The following PEAK1 variants were observed in gnomAD, a reference collection of about 807,000 sequenced individuals.
PEAK1 encodes the protein inactive tyrosine-protein kinase PEAK1.
Under a neutral mutation model 124.7 loss-of-function variants are expected in PEAK1, and 54 were observed. That is an observed-to-expected ratio of 0.43 (90% confidence interval 0.35 to 0.54). The LOEUF is 0.54. Among genes scored for constraint, PEAK1 ranks in the 20% least tolerant of loss-of-function variants. PEAK1 has a pLI of 0.01. For missense variants in PEAK1, 2,046 were observed against 2,134.5 expected, an observed-to-expected ratio of 0.96 and a Z score of 0.82; for synonymous variants, 719 against 760.0, an observed-to-expected ratio of 0.95 and a Z score of 0.89.
intron 2 of PEAK1, among the ~76,000 whole-genome samples, chr15:77,319,900 G>A (rs574524119): frequency 3.3e-5 from 5 of 152,236 alleles, no homozygotes; most frequent in African/African-American, 7.2e-5. Context: ...TGCAAAGTGG[G>A]AAGCTGCTCC....
intron 7 of PEAK1, among the ~76,000 whole-genome samples, chr15:77,166,297 C>G (rs2056094405): frequency 6.6e-6 from 1 of 152,154 alleles, no homozygotes; most frequent in Non-Finnish European, 1.5e-5. Context: ...AACAATAACA[C>G]TGAGTAAGGC....
intron 6 of PEAK1, among the ~76,000 whole-genome samples, chr15:77,250,621 G>C (rs1376335974): frequency 6.6e-6 from 1 of 151,976 alleles, no homozygotes; most frequent in Admixed American, 6.6e-5. Context: ...TTTTAGCAGA[G>C]ATAGGGTTTC....
At chr15:77,291,368 G>A (rs542357259) in intron 2 of PEAK1, among the ~76,000 whole-genome samples, 4 of 151,758 alleles carry the variant, frequency 2.6e-5, no homozygotes, top group Admixed American at 6.6e-5. Context: ...ACTAGTCTTC[G>A]ATTATGAAAT....
intron 6 of PEAK1, among the ~76,000 whole-genome samples, chr15:77,227,501 G>T (rs1429153676): frequency 6.6e-6 from 1 of 152,012 alleles, no homozygotes; most frequent in Non-Finnish European, 1.5e-5. Context: ...AGACCAAGAA[G>T]AATAAAACCA....
At position 77,181,281 on chromosome 15, in the gene PEAK1, C is replaced by G; in HGVS notation, c.646G>C (p.Glu216Gln). 6.2e-7 allele frequency: 1 copy of G among 1,614,098 alleles called. No homozygotes were observed. Among genetic ancestry groups the G allele is most frequent in the Non-Finnish European group, 8.5e-7 (1 of 1,180,024 alleles). The change falls in exon 7 of 10, where the codon GAA becomes CAA. Residue 216 changes from glutamate (E) to glutamine (Q), a missense_variant. Coordinates refer to ENST00000682557, the MANE Select transcript of PEAK1 (RefSeq NM_001385026.1). ...CGGCCCCCTTCATTACTAATCACTT[C>G]TGTGCTCCCACTCAGAATAACATGC... ...GKHVILSGST[E>Q]VISNEGGRFC...
chr15:77,272,487 A>G (rs1246876103), intron 5 of PEAK1, among the ~76,000 whole-genome samples: 1 of 152,186 alleles, frequency 6.6e-6, no homozygotes, highest in African/African-American at 2.4e-5. Flanking sequence ...GAACACCTCT[A>G]TGCGCATGAA....
chr15:77,326,781 A>C (rs2065602749), intron 2 of PEAK1, among the ~76,000 whole-genome samples: 1 of 152,112 alleles, frequency 6.6e-6, no homozygotes, highest in South Asian at 2.1e-4. Flanking sequence ...TCTATTTAGG[A>C]AACAGCTTGA....
intron 2 of PEAK1, chr15:77,335,283 A>G (rs2141275143): frequency 2.0e-6 from 2 of 985,450 alleles, no homozygotes; most frequent in African/African-American, 3.5e-5. Context: ...GCTGCCTAAC[A>G]AAGATTATTC....
At chr15:77,229,632 GTTTCTTTCT>G (rs770145021) in intron 6 of PEAK1, among the ~76,000 whole-genome samples, 25 of 149,168 alleles carry the variant, frequency 1.7e-4, no homozygotes, top group Admixed American at 6.0e-4. Flanking sequence ...TTCTTTAGCT[GTTTCTTTCT>G]TTTCTTTCTT....
In PEAK1 at chr15:77,113,072, G is replaced by A. The variant is rs761417748; in HGVS notation, c.*1084C>T. Reference sequence around the variant, plus strand: ...GGCCTTCTTCCTCTCCCCTGCCTACGGCCATCCCAACAGCCCACCTCACTG... The same window carrying A: ...GGCCTTCTTCCTCTCCCCTGCCTACAGCCATCCCAACAGCCCACCTCACTG... On this transcript the variant is annotated 3_prime_UTR_variant, in exon 10 of 10. Transcript: ENST00000682557. 4 of 152,286 alleles carry A rather than the reference G, an allele frequency of 2.6e-5. No homozygotes were observed. Among genetic ancestry groups the A allele is most frequent in the East Asian group, 1.9e-4 (1 of 5,200 alleles). 9.4% of individuals were successfully genotyped at this position (152,286 alleles called of 1,614,324 possible).
intron 6 of PEAK1, among the ~76,000 whole-genome samples, chr15:77,207,949 C>T (rs1033881772): frequency 6.6e-6 from 1 of 152,154 alleles, no homozygotes; most frequent in Non-Finnish European, 1.5e-5. Flanking sequence ...CAGGCTCATA[C>T]AGGTCTAGGA....
At chr15:77,307,270 G>A (rs2064156379) in intron 2 of PEAK1, among the ~76,000 whole-genome samples, 1 of 151,892 alleles carries the variant, frequency 6.6e-6, no homozygotes, top group Non-Finnish European at 1.5e-5. Flanking sequence ...TGTGTAAAAT[G>A]AGGGGACTGG....
Position 77,250,108 on chromosome 15 carries a change from C to T in PEAK1, c.-115+2259G>A, listed in dbSNP as rs547840815. Among the ~76,000 whole-genome samples, 8 of 142,018 alleles carry T rather than the reference C, an allele frequency of 5.6e-5. No homozygotes were observed. The East Asian group carries it at 1.6e-3, about 29-fold the overall frequency. The allele number at this position is 142,018 out of a possible 152,430, so 93.2% of individuals were successfully genotyped here. A position where few individuals can be genotyped will look rare whatever the true frequency, so the allele number is the denominator to read the frequency against. On this transcript the variant is annotated intron_variant, in intron 6 of 9. Coordinates refer to ENST00000682557, the MANE Select transcript of PEAK1 (RefSeq NM_001385026.1). The stretch of plus-strand genomic sequence containing the variant: ...ATGCCACAAGTAGAGGTTTAACCCA[C>T]AATTAGAGATTTTTTTTTAAAGAAA...
intron 7 of PEAK1, among the ~76,000 whole-genome samples, chr15:77,165,784 C>T (rs2056051108): frequency 6.6e-6 from 1 of 152,172 alleles, no homozygotes; most frequent in African/African-American, 2.4e-5. Flanking sequence ...GAAAACTCTT[C>T]AGGAGGTAGC....
intron 6 of PEAK1, among the ~76,000 whole-genome samples, chr15:77,188,803 T>G (rs527638820): frequency 5.9e-5 from 9 of 152,168 alleles, no homozygotes; most frequent in African/African-American, 2.2e-4. Context: ...CTATATCTCT[T>G]GAATTGTTTG....
rs143750264 is a variant in PEAK1 at position 77,347,262 on chromosome 15, T to C, written c.-603+17901A>G. 1,020 of 984,912 alleles carry C rather than the reference T, an allele frequency of 1.0e-3. 8 individuals carry two copies. In the African/African-American group the frequency reaches 0.017, roughly 16 times the overall value. The allele number at this position is 984,912 out of a possible 1,614,324, so 61.0% of individuals were successfully genotyped here. On this transcript the variant is annotated intron_variant, in intron 2 of 9. Coordinates refer to ENST00000682557, the MANE Select transcript of PEAK1 (RefSeq NM_001385026.1). Reference sequence around the variant, plus strand: ...TGCTGAGAAGATAAAAATAAAACTATGACCCACGAACTATTCATGGAAATT... The same window carrying C: ...TGCTGAGAAGATAAAAATAAAACTACGACCCACGAACTATTCATGGAAATT...
In PEAK1 at chr15:77,181,436, T is replaced by G. The variant is rs761514305; in HGVS notation, c.491A>C (p.Gln164Pro). The G allele has an allele frequency of 6.2e-7, 1 of 1,614,172 alleles. No homozygotes were observed. The highest frequency in any genetic ancestry group is 1.3e-5 in the African/African-American group (1 of 75,044). Residue 164 changes from glutamine to proline, a missense_variant, in exon 7 of 10, where the codon CAG becomes CCG. Gln to Pro is a moderately conservative substitution (Grantham distance 76). Coordinates refer to ENST00000682557, the MANE Select transcript of PEAK1 (RefSeq NM_001385026.1). ...GGAGTTTGTTTCATTTCCTCTTATCTGAGGGGCAGTATCCAAGCCTGCTAT... is the reference window on the plus strand; with the variant it reads ...GGAGTTTGTTTCATTTCCTCTTATCGGAGGGGCAGTATCCAAGCCTGCTAT... ...KEIAGLDTAP[Q>P]IRGNETNSRE... is the part of the protein sequence containing the mutation.
chr15:77,144,754 G>A (rs1455522014), intron 8 of PEAK1, among the ~76,000 whole-genome samples: 7 of 152,216 alleles, frequency 4.6e-5, no homozygotes, highest in Admixed American at 4.6e-4. Flanking sequence ...AGTAGGTCAA[G>A]CCATTCTCCT....
intron 6 of PEAK1, among the ~76,000 whole-genome samples, chr15:77,203,207 G>A (rs2058456318): frequency 2.6e-5 from 4 of 152,002 alleles, no homozygotes. Flanking sequence ...AGGCAGAAGA[G>A]GAGGTGGAAG....
Sources: gnomAD v4.1 joint callset for allele counts (sites outside exome capture counted in the v4.1 genomes callset) on GRCh38, gnomAD v4.1.1 for gene constraint, MANE v1.5 for transcripts, NCBI Gene and HGNC (gene_info 2026-07-23, HGNC 2026-07-21) for gene names.